AFF3: variants seen among roughly 807,000 people sequenced by gnomAD.
AFF3 encodes AF4/FMR2 family member 3.
A neutral mutation model predicts 129.7 loss-of-function variants in AFF3; 32 were observed. That is an observed-to-expected ratio of 0.25 (90% CI 0.19 to 0.33). The LOEUF (loss-of-function observed/expected upper bound fraction) is 0.33, where lower values mean the gene tolerates loss of function less well. Ranked by LOEUF, AFF3 falls within the 10% of genes least tolerant of loss-of-function variation. The pLI, the probability that AFF3 is intolerant of heterozygous loss-of-function variation, is 1.00. For synonymous variants in AFF3, 644 were observed against 635.4 expected (o/e 1.01, Z -0.20); for missense variants, 1,373 against 1,592.0 (o/e 0.86, Z 2.34).
rs1394735237 is a variant in AFF3 at position 99,593,851 on chromosome 2, G to A, written c.1810C>T (p.Arg604Trp). Residue 604 changes from arginine (R) to tryptophan (W), a missense_variant, in exon 15 of 25, where the codon CGG (arginine) becomes TGG (tryptophan). Physicochemically the swap from Arg to Trp is moderately radical, Grantham distance 101. Transcript: ENST00000672756. Reference protein sequence around the residue: ...TSAGDGANCHRPEEPAAADAL... With the variant: ...TSAGDGANCHWPEEPAAADAL... ...TCCGCGGCCGCGGGCTCCTCGGGCC[G>A]GTGGCAGTTGGCGCCGTCCCCGGCT... The A allele has an allele frequency of 6.3e-7, 1 of 1,590,442 alleles. No homozygotes were observed.
At chr2:100,084,076 T>A (rs1689240607) in intron 4 of AFF3, among the ~76,000 whole-genome samples, 1 of 152,236 alleles carries the variant, frequency 6.6e-6, no homozygotes, top group South Asian at 2.1e-4. Flanking sequence ...CTGATTAAAC[T>A]ATTCTACTAC....
intron 7 of AFF3, among the ~76,000 whole-genome samples, chr2:99,856,261 A>G (rs1469374686): frequency 6.6e-6 from 1 of 152,214 alleles, no homozygotes; most frequent in Admixed American, 6.5e-5. Flanking sequence ...CTAATATAAG[A>G]TGTTAACAAT....
intron 15 of AFF3, 27 bp from the exon 16 acceptor site, chr2:99,587,305 C>T (rs1193380147): frequency 6.2e-7 from 1 of 1,613,366 alleles, no homozygotes; most frequent in Admixed American, 1.7e-5. Flanking sequence ...TAAAGTCAAT[C>T]AGCACTGGAT....
rs1425523370 is a variant in AFF3 at position 100,016,681 on chromosome 2, C to A, written c.54-7749G>T. 1.1e-4 allele frequency among the ~76,000 whole-genome samples: 7 copies of A among 64,568 alleles called. 1 individual carries two copies. The highest frequency in any genetic ancestry group is 3.3e-4 in the Admixed American group (2 of 6,024). 42.4% of individuals were successfully genotyped at this position (64,568 alleles called of 152,430 possible). ...GTGATGAAAGTGGTGATGGTACTGG[C>A]AGTGATGGTGGTGGTGGCGGTAGTG... On this transcript the variant is annotated intron_variant, in intron 4 of 24. Transcript: ENST00000672756.
chr2:100,080,714 C>G (rs868189649), intron 4 of AFF3, among the ~76,000 whole-genome samples: 31 of 152,312 alleles, frequency 2.0e-4, no homozygotes, highest in African/African-American at 6.5e-4. Flanking sequence ...ATGTTGCCCC[C>G]ACCCCCGGCC....
At chr2:99,696,366 T>C (rs1676266583) in intron 11 of AFF3, among the ~76,000 whole-genome samples, 1 of 152,050 alleles carries the variant, frequency 6.6e-6, no homozygotes, top group South Asian at 2.1e-4. Flanking sequence ...AGCCAAAGAG[T>C]GTGCAATTTT....
chr2:99,561,601 C>T (rs1675482713), intron 20 of AFF3, among the ~76,000 whole-genome samples: 1 of 152,172 alleles, frequency 6.6e-6, no homozygotes, highest in Non-Finnish European at 1.5e-5. Flanking sequence ...TGGTTTCAAA[C>T]TCCTGGCCTC....
intron 10 of AFF3, among the ~76,000 whole-genome samples, chr2:99,733,070 A>G (rs1036432092): frequency 6.6e-6 from 1 of 152,070 alleles, no homozygotes; most frequent in African/African-American, 2.4e-5. Context: ...GTGTGCGTGT[A>G]TAACTTTTCA....
At chr2:100,008,658 G>C (rs537652357) in intron 5 of AFF3, among the ~76,000 whole-genome samples, 154 bp downstream of exon 5, 1 of 152,234 alleles carries the variant, frequency 6.6e-6, no homozygotes, top group Non-Finnish European at 1.5e-5. Context: ...TCTGGGGGAA[G>C]ACCCCGTACT....
At chr2:100,010,447 G>A (rs866861603) in intron 4 of AFF3, among the ~76,000 whole-genome samples, 2 of 152,278 alleles carry the variant, frequency 1.3e-5, no homozygotes, top group South Asian at 4.1e-4. Context: ...TTCTGGCAAG[G>A]CTGCTGCAGC....
intron 1 of AFF3, among the ~76,000 whole-genome samples, chr2:100,136,364 C>A (rs1692642888): frequency 1.3e-5 from 2 of 151,932 alleles, no homozygotes; most frequent in South Asian, 4.2e-4. Flanking sequence ...GAAGGCGCGG[C>A]CAGTGTGGTA....
intron 7 of AFF3, among the ~76,000 whole-genome samples, chr2:99,955,149 T>C (rs989061571): frequency 9.2e-5 from 14 of 152,100 alleles, no homozygotes; most frequent in Non-Finnish European, 2.1e-4. Flanking sequence ...TAGGGAAGTA[T>C]AGTGTTTAGA....
chr2:99,577,675 G>A (rs912643526), intron 18 of AFF3, among the ~76,000 whole-genome samples: 2 of 152,154 alleles, frequency 1.3e-5, no homozygotes, highest in African/African-American at 2.4e-5. Flanking sequence ...TTTTCCCTAC[G>A]AGCCGAAATA....
chr2:99,834,611 C>T (rs1688731907), intron 8 of AFF3, among the ~76,000 whole-genome samples: 1 of 152,190 alleles, frequency 6.6e-6, no homozygotes, highest in Non-Finnish European at 1.5e-5. Context: ...GCAAAGGTCA[C>T]CAGCAACGTT....
At chr2:99,606,471 A>G (rs1680345119) in intron 13 of AFF3, among the ~76,000 whole-genome samples, 2 of 152,212 alleles carry the variant, frequency 1.3e-5, no homozygotes, top group South Asian at 4.1e-4. Flanking sequence ...AGCTCAGCAC[A>G]GTGCCTGGCA....
At chr2:99,557,331 G>A (rs956523081) in intron 22 of AFF3, among the ~76,000 whole-genome samples, 8 of 148,626 alleles carry the variant, frequency 5.4e-5, no homozygotes, top group Non-Finnish European at 1.0e-4. Context: ...CCAGGCTGGA[G>A]TGCAGTGGCG....
At chr2:99,931,407 A>G (rs1405099646) in intron 7 of AFF3, among the ~76,000 whole-genome samples, 2 of 152,246 alleles carry the variant, frequency 1.3e-5, no homozygotes, top group Non-Finnish European at 2.9e-5. Flanking sequence ...TGGATCTTTT[A>G]TAAGGGAGAA....
chr2:99,805,852 G>C (rs1394892797), intron 8 of AFF3, among the ~76,000 whole-genome samples: 2 of 62,210 alleles, frequency 3.2e-5, no homozygotes, highest in Non-Finnish European at 4.2e-5. Flanking sequence ...ACACACACAC[G>C]ATGAAGGAAC....
chr2:100,118,195 A>G (rs1559134544), intron 2 of AFF3, among the ~76,000 whole-genome samples: 2 of 152,224 alleles, frequency 1.3e-5, no homozygotes, highest in African/African-American at 4.8e-5. Flanking sequence ...TTTTAGATGA[A>G]CTAAATAAAT....
Sources: gnomAD v4.1 joint callset for allele counts (sites outside exome capture counted in the v4.1 genomes callset) on GRCh38, gnomAD v4.1.1 for gene constraint, MANE v1.5 for transcripts, NCBI Gene and HGNC (gene_info 2026-07-23, HGNC 2026-07-21) for gene names.